Variants in PLBD1 observed in about 807,000 individuals in gnomAD.
The protein encoded by PLBD1 is lysosomal leucine aminopeptidase.
PLBD1 carries 60 observed loss-of-function variants against 63.0 expected under a neutral mutation model. The ratio of observed to expected loss-of-function variants is 0.95; its 90% CI spans 0.77 to 1.18. PLBD1 has a LOEUF of 1.18. PLBD1 is among the 50% of genes most tolerant of loss of function. The probability of loss-of-function intolerance (pLI) is 0.00; values close to 1 mark genes in which losing one functional copy is unlikely to be tolerated. For missense variants in PLBD1, 598 were observed against 677.9 expected, an observed-to-expected ratio of 0.88 and a Z score of 1.31; for synonymous variants, 262 against 248.0, an observed-to-expected ratio of 1.06 and a Z score of -0.53.
At chr12:14,516,725 AT>A (rs775531972) in intron 6 of PLBD1, among the ~76,000 whole-genome samples, 2 of 152,096 alleles carry the variant, frequency 1.3e-5, no homozygotes, top group Non-Finnish European at 2.9e-5. Context: ...GGGGATCATC[AT>A]TACTGGGATC....
intron 6 of PLBD1, among the ~76,000 whole-genome samples, chr12:14,517,845 C>T (rs2136909492): frequency 6.6e-6 from 1 of 152,200 alleles, no homozygotes; most frequent in African/African-American, 2.4e-5. Context: ...TTTAAAAATA[C>T]CCTTCTTGTT....
chr12:14,553,696 C>G (rs925734038), intron 1 of PLBD1: 1 of 479,896 alleles, frequency 2.1e-6, no homozygotes, highest in African/African-American at 2.0e-5. Context: ...GGGTGGGAAT[C>G]TGGGCAGGGC....
At chr12:14,538,945 G>T (rs1420265050) in intron 4 of PLBD1, among the ~76,000 whole-genome samples, 2 of 152,144 alleles carry the variant, frequency 1.3e-5, no homozygotes, top group African/African-American at 4.8e-5. Flanking sequence ...AGAATTGCTT[G>T]AGTCCAGGAG....
At chr12:14,558,049 CAAAAA>C (rs35613344) in intron 1 of PLBD1, among the ~76,000 whole-genome samples, 8 of 93,582 alleles carry the variant, frequency 8.5e-5, no homozygotes, top group Admixed American at 1.1e-4. Context: ...ACTACGTAGC[CAAAAA>C]AAAAAAAAAA....
At chr12:14,544,509 C>T (rs990649388) in intron 2 of PLBD1, among the ~76,000 whole-genome samples, 8 of 152,152 alleles carry the variant, frequency 5.3e-5, no homozygotes, top group African/African-American at 1.7e-4. Flanking sequence ...CAGCAATTAC[C>T]TTGTCAATTA....
intron 6 of PLBD1, among the ~76,000 whole-genome samples, chr12:14,531,697 C>G (rs1004874998): frequency 1.3e-5 from 2 of 152,178 alleles, no homozygotes; most frequent in Non-Finnish European, 2.9e-5. Flanking sequence ...GTGGTGCTAT[C>G]TCGGCTCCCT....
At chr12:14,554,979 T>A (rs771789335) in intron 1 of PLBD1, among the ~76,000 whole-genome samples, 2 of 152,132 alleles carry the variant, frequency 1.3e-5, no homozygotes, top group African/African-American at 2.4e-5. Context: ...GAAATTTGAA[T>A]CCATCCTGGC....
intron 2 of PLBD1, among the ~76,000 whole-genome samples, chr12:14,548,471 AAAAAAAAAAAAG>A (rs531246752): frequency 0.023 from 3,423 of 148,638 alleles, 73 homozygotes; most frequent in African/African-American, 0.063. Flanking sequence ...AAAAAAAAAA[AAAAAAAAAAAAG>A]AAGAAGAAGA....
At chr12:14,563,443 G>A (rs1401318225) in intron 1 of PLBD1, among the ~76,000 whole-genome samples, 1 of 152,096 alleles carries the variant, frequency 6.6e-6, no homozygotes, top group African/African-American at 2.4e-5. Context: ...ACTTGAACCT[G>A]GGAGGCGGAG....
At chr12:14,503,996 T>C in intron 10 of PLBD1, 42 bp from the exon 11 acceptor site, 1 of 1,549,040 alleles carries the variant, frequency 6.5e-7, no homozygotes, top group Non-Finnish European at 8.8e-7. Flanking sequence ...AAATCATCGT[T>C]CAGCAAAAAA....
At chr12:14,525,374 T>A (rs1406554600) in intron 6 of PLBD1, among the ~76,000 whole-genome samples, 1 of 151,908 alleles carries the variant, frequency 6.6e-6, no homozygotes, top group South Asian at 2.1e-4. Context: ...AAAAGAAAAC[T>A]AAATAAAATT....
intron 6 of PLBD1, chr12:14,531,216 A>C (rs1467449432): frequency 2.6e-5 from 4 of 152,188 alleles, no homozygotes; most frequent in Non-Finnish European, 4.4e-5. Flanking sequence ...TCCAGGTACC[A>C]TCTCTTTGTA....
At chr12:14,521,345 G>C (rs1945374498) in intron 6 of PLBD1, among the ~76,000 whole-genome samples, 1 of 152,096 alleles carries the variant, frequency 6.6e-6, no homozygotes, top group Non-Finnish European at 1.5e-5. Flanking sequence ...TGCGGTGTGT[G>C]TAACAGCCTG....
chr12:14,563,973 G>A (rs1031046229), intron 1 of PLBD1, among the ~76,000 whole-genome samples: 5 of 152,200 alleles, frequency 3.3e-5, no homozygotes, highest in Non-Finnish European at 7.3e-5. Context: ...GTGCAGTGGC[G>A]GTCGCCTGAA....
intron 1 of PLBD1, among the ~76,000 whole-genome samples, chr12:14,564,813 TA>T (rs1197640970): frequency 6.6e-6 from 1 of 151,746 alleles, no homozygotes; most frequent in South Asian, 2.1e-4. Context: ...CAGCCAACCC[TA>T]AAAGAATGTC....
intron 10 of PLBD1, 82 bp from the exon 11 acceptor site, chr12:14,504,036 C>G (rs1299407219): frequency 7.7e-7 from 1 of 1,305,818 alleles, no homozygotes; most frequent in Non-Finnish European, 1.1e-6. Flanking sequence ...CACTCTCCCA[C>G]TACCAAAGTC....
At chr12:14,542,116 A>G in intron 3 of PLBD1, 92 bp downstream of exon 3, 8 of 1,073,840 alleles carry the variant, frequency 7.4e-6, no homozygotes, top group South Asian at 1.3e-5. Context: ...AAAGAGATTA[A>G]AAAGAAATTG....
intron 6 of PLBD1, among the ~76,000 whole-genome samples, chr12:14,517,487 G>T (rs1945345742): frequency 6.6e-6 from 1 of 151,784 alleles, no homozygotes; most frequent in South Asian, 2.1e-4. Context: ...AATCCAAACT[G>T]CATCATTTCT....
chr12:14,526,898 G>C (rs1433292632), intron 6 of PLBD1, among the ~76,000 whole-genome samples: 1 of 152,168 alleles, frequency 6.6e-6, no homozygotes, highest in African/African-American at 2.4e-5. Context: ...CTTGAACCCG[G>C]GAGGTGGAAG....
Sources: gnomAD v4.1 joint callset for allele counts (sites outside exome capture counted in the v4.1 genomes callset) on GRCh38, gnomAD v4.1.1 for gene constraint, MANE v1.5 for transcripts, NCBI Gene and HGNC (gene_info 2026-07-23, HGNC 2026-07-21) for gene names.